Variants in ACSL3 observed in about 807,000 individuals in gnomAD.
ACSL3 encodes fatty acid CoA ligase Acsl3.
Under a neutral mutation model 84.7 loss-of-function variants are expected in ACSL3, and 34 were observed. That is an observed-to-expected ratio of 0.40 (90% CI 0.31 to 0.53). The LOEUF (loss-of-function observed/expected upper bound fraction) is 0.53. ACSL3 is among the 20% of genes least tolerant of loss of function. The probability of loss-of-function intolerance (pLI) is 0.48; values close to 1 mark genes in which losing one functional copy is unlikely to be tolerated. For synonymous variants in ACSL3, 315 were observed against 299.4 expected (o/e 1.05, Z -0.54); for missense variants, 680 against 873.1 (o/e 0.78, Z 2.79).
At chr2:222,910,005 A>T (rs1696402407) in intron 4 of ACSL3, among the ~76,000 whole-genome samples, 1 of 152,182 alleles carries the variant, frequency 6.6e-6, no homozygotes, top group Admixed American at 6.5e-5. Flanking sequence ...CATACCCTCC[A>T]TTCTTCACTG....
chr2:222,900,142 A>G (rs1463983606), intron 2 of ACSL3, among the ~76,000 whole-genome samples: 1 of 152,196 alleles, frequency 6.6e-6, no homozygotes, highest in Admixed American at 6.5e-5. Context: ...CAAATTTGTT[A>G]CTTTACTTAA....
chr2:222,906,651 T>G (rs1696301110), intron 3 of ACSL3, among the ~76,000 whole-genome samples: 1 of 151,798 alleles, frequency 6.6e-6, no homozygotes, highest in African/African-American at 2.4e-5. Flanking sequence ...AATCTTGCTC[T>G]GTTGCTGGGC....
In ACSL3 at chr2:222,944,532, C is replaced by G. The variant is rs757719432; in HGVS notation, c.*2878C>G. On this transcript the variant is annotated 3_prime_UTR_variant, in exon 17 of 17. Transcript: ENST00000357430. Reference sequence around the variant, plus strand: ...GTTCTTGGTTGTTGCTGTTTTCTGCCTGAAGACGTGTATCATAAAGAGCTA... The same window carrying G: ...GTTCTTGGTTGTTGCTGTTTTCTGCGTGAAGACGTGTATCATAAAGAGCTA... 6.6e-6 allele frequency: 1 copy of G among 151,802 alleles called. No individual in the cohort carries two copies. The highest frequency in any genetic ancestry group is 2.4e-5 in the African/African-American group (1 of 41,312). 9.4% of individuals were successfully genotyped at this position (151,802 alleles called of 1,614,324 possible).
Position 222,944,281 on chromosome 2 carries a change from A to G in ACSL3, c.*2627A>G, listed in dbSNP as rs1407707114. ...TTACTTGTTTGCTGCTAAAATACTC[A>G]AGATTTTGCCATTTTTAAACAACCA... On this transcript the variant is annotated 3_prime_UTR_variant, in exon 17 of 17. Coordinates refer to ENST00000357430, the MANE Select transcript of ACSL3 (RefSeq NM_004457.5). The G allele has an allele frequency of 6.6e-6, 1 of 152,140 alleles. No individual in the cohort carries two copies. The highest frequency in any genetic ancestry group is 1.5e-5 in the Non-Finnish European group (1 of 67,992). 9.4% of individuals were successfully genotyped at this position (152,140 alleles called of 1,614,324 possible). A position where few individuals can be genotyped will look rare whatever the true frequency, so the allele number is the denominator to read the frequency against.
rs1396461109 is a variant in ACSL3 at position 222,941,613 on chromosome 2, C to T, written c.2122C>T (p.His708Tyr). 6.2e-7 allele frequency: 1 copy of T among 1,613,274 alleles called. No individual in the cohort carries two copies. The highest frequency in any genetic ancestry group is 8.5e-7 in the Non-Finnish European group (1 of 1,179,634). The change falls in exon 17 of 17, where the codon CAT (histidine) becomes TAT (tyrosine). Residue 708 changes from histidine (H) to tyrosine (Y), a missense_variant. His to Tyr is a moderately conservative substitution (Grantham distance 83). Coordinates refer to ENST00000357430, the MANE Select transcript of ACSL3 (RefSeq NM_004457.5). ...GCTGAAACGCAAAGAGCTTAAAACA[C>T]ATTACCAGGCGGACATTGAGCGAAT... ...FKLKRKELKT[H>Y]YQADIERMYG...
At chr2:222,924,432 T>C in intron 10 of ACSL3, 24 bp from the exon 11 acceptor site, 1 of 1,569,218 alleles carries the variant, frequency 6.4e-7, no homozygotes, top group East Asian at 2.3e-5. Context: ...ATTAACTATG[T>C]TAAACTCATT....
chr2:222,922,675 A>G, intron 8 of ACSL3, 33 bp from the exon 9 acceptor site: 1 of 1,612,602 alleles, frequency 6.2e-7, no homozygotes, highest in Non-Finnish European at 8.5e-7. Flanking sequence ...ACGACACCTG[A>G]CTTTTGTTTC....
intron 14 of ACSL3, among the ~76,000 whole-genome samples, chr2:222,931,265 G>A (rs1016819281): frequency 2.0e-5 from 3 of 151,824 alleles, no homozygotes; most frequent in Non-Finnish European, 4.4e-5. Context: ...TCAGTTAGCC[G>A]TGTGTGGTGT....
intron 2 of ACSL3, among the ~76,000 whole-genome samples, 168 bp downstream of exon 2, chr2:222,888,056 G>A (rs1385301328): frequency 6.6e-6 from 1 of 151,864 alleles, no homozygotes; most frequent in Non-Finnish European, 1.5e-5. Context: ...AAATCAATTG[G>A]GACATTAAAC....
intron 1 of ACSL3, among the ~76,000 whole-genome samples, chr2:222,873,192 A>G (rs1450936598): frequency 1.3e-5 from 2 of 152,244 alleles, no homozygotes; most frequent in Non-Finnish European, 2.9e-5. Flanking sequence ...GTTACAGTTT[A>G]CCAAAATTAT....
At chr2:222,874,377 A>T (rs1695391350) in intron 1 of ACSL3, among the ~76,000 whole-genome samples, 1 of 152,196 alleles carries the variant, frequency 6.6e-6, no homozygotes, top group Non-Finnish European at 1.5e-5. Context: ...GTTTCATATG[A>T]ATAATATTTT....
Position 222,919,502 on chromosome 2 carries a change from A to G in ACSL3, c.805+300A>G, listed in dbSNP as rs186868066. 3 of 220,260 alleles carry G rather than the reference A, an allele frequency of 1.4e-5. 1 individual carries two copies. The East Asian group carries it at 3.4e-4, about 25-fold the overall frequency. 13.6% of individuals were successfully genotyped at this position (220,260 alleles called of 1,614,324 possible). On this transcript the variant is annotated intron_variant, in intron 7 of 16. Transcript: ENST00000357430. ...GTTTTGGGTGGTTTAAAGTTAGTTT[A>G]TAAATAATGACATTTATCTTGTCCT...
In ACSL3 at chr2:222,914,620, G is replaced by A. The variant is rs193162609; in HGVS notation, c.379-1699G>A. On this transcript the variant is annotated intron_variant, in intron 4 of 16. Coordinates refer to ENST00000357430, the MANE Select transcript of ACSL3 (RefSeq NM_004457.5). ...GAGGTATTTCAGAGGGTGAGAAAAC[G>A]AATAGACCAGGGATGTATGATAGGA... 3.9e-3 allele frequency among the ~76,000 whole-genome samples: 587 copies of A among 152,260 alleles called. 2 individuals are homozygous for A. The highest frequency in any genetic ancestry group is 0.02 in the Middle Eastern group (6 of 294).
intron 1 of ACSL3, among the ~76,000 whole-genome samples, chr2:222,876,107 A>G: frequency 6.6e-6 from 1 of 152,366 alleles, no homozygotes; most frequent in African/African-American, 2.4e-5. Flanking sequence ...ACTTCATAAA[A>G]GAGGTGACAT....
At chr2:222,929,304 C>CT (rs60728820) in intron 13 of ACSL3, among the ~76,000 whole-genome samples, 22 of 151,604 alleles carry the variant, frequency 1.5e-4, no homozygotes, top group Non-Finnish European at 2.8e-4. Flanking sequence ...TGATTTTTTT[C>CT]TTTTTTTTTC....
intron 11 of ACSL3, 93 bp downstream of exon 11, chr2:222,924,688 G>C: frequency 7.7e-7 from 1 of 1,299,062 alleles, no homozygotes; most frequent in Non-Finnish European, 1.0e-6. Flanking sequence ...ATAGTTATAA[G>C]AAAGAAATAT....
chr2:222,899,018 G>C (rs1696067069), intron 2 of ACSL3, among the ~76,000 whole-genome samples: 1 of 152,100 alleles, frequency 6.6e-6, no homozygotes, highest in Non-Finnish European at 1.5e-5. Flanking sequence ...TGAGAAAAGA[G>C]TGGTTTATTT....
At chr2:222,934,239 T>A (rs199540168) in intron 15 of ACSL3, among the ~76,000 whole-genome samples, 3 of 68,034 alleles carry the variant, frequency 4.4e-5, no homozygotes, top group East Asian at 7.0e-3. Context: ...TTTGTAACTT[T>A]CTTTTAAAAT....
At chr2:222,902,175 C>G (rs1696170562) in intron 3 of ACSL3, among the ~76,000 whole-genome samples, 1 of 152,052 alleles carries the variant, frequency 6.6e-6, no homozygotes, top group Non-Finnish European at 1.5e-5. Context: ...AACATAATTG[C>G]AAATTTTTAT....
Sources: gnomAD v4.1 joint callset for allele counts (sites outside exome capture counted in the v4.1 genomes callset) on GRCh38, gnomAD v4.1.1 for gene constraint, MANE v1.5 for transcripts, NCBI Gene and HGNC (gene_info 2026-07-23, HGNC 2026-07-21) for gene names.